The following PBX1 variants were observed in gnomAD, a reference collection of about 807,000 sequenced individuals.
PBX1 encodes pre-B-cell leukemia transcription factor 1.
PBX1 carries 6 observed loss-of-function variants against 53.4 expected under a neutral mutation model. That is an observed-to-expected ratio of 0.11 (90% CI 0.06 to 0.22). PBX1 has a LOEUF of 0.22. Ranked by LOEUF, PBX1 falls within the 10% of genes least tolerant of loss-of-function variation. The pLI, the probability that PBX1 is intolerant of heterozygous loss-of-function variation, is 1.00. For synonymous variants in PBX1, 204 were observed against 212.3 expected (o/e 0.96, Z 0.34); for missense variants, 251 against 551.4 (o/e 0.46, Z 5.46).
At chr1:164,881,286 G>T (rs564330205) in intron 2 of PBX1, among the ~76,000 whole-genome samples, 3 of 147,430 alleles carry the variant, frequency 2.0e-5, no homozygotes, top group Non-Finnish European at 3.0e-5. Flanking sequence ...GAGACACAGA[G>T]AGAAAGGAAG....
At chr1:164,829,957 A>C (rs1670670402) in intron 8 of PBX1, 1 of 152,146 alleles carries the variant, frequency 6.6e-6, no homozygotes, top group Admixed American at 6.5e-5. Context: ...GAAACTAAAA[A>C]AAAAGAAATA....
chr1:164,811,739 C>T (rs1352379126), intron 5 of PBX1, among the ~76,000 whole-genome samples: 2 of 152,174 alleles, frequency 1.3e-5, no homozygotes, highest in African/African-American at 4.8e-5. Flanking sequence ...AAATGAGCAG[C>T]TCCTTTATAG....
At chr1:164,760,724 A>G (rs144231493) in intron 2 of PBX1, among the ~76,000 whole-genome samples, 1 of 152,322 alleles carries the variant, frequency 6.6e-6, no homozygotes, top group East Asian at 1.9e-4. Flanking sequence ...TGCGTTACAG[A>G]TGGTACTTGC....
At position 164,872,112 on chromosome 1, in the gene PBX1, A is replaced by G. The variant is rs377150405; in HGVS notation, n.258-27076A>G. On this transcript the variant is annotated intron_variant and non_coding_transcript_variant, in intron 2 of 2. Transcript: ENST00000558796. ...TCCCTAGTGAAAAATGCACTTATTC[A>G]TATACTTACAAGATTTTACAGATGA... 1.1e-4 allele frequency among the ~76,000 whole-genome samples: 17 copies of G among 152,302 alleles called. No individual in the cohort carries two copies. In the East Asian group the frequency reaches 2.5e-3, roughly 22 times the overall value.
chr1:164,755,237 G>A (rs1571343630), intron 2 of PBX1, among the ~76,000 whole-genome samples: 2 of 152,022 alleles, frequency 1.3e-5, no homozygotes, highest in African/African-American at 4.8e-5. Flanking sequence ...CTTGACCTCC[G>A]CCTCCCGGTT....
At chr1:164,606,167 T>G (rs982276934) in intron 2 of PBX1, among the ~76,000 whole-genome samples, 4 of 152,198 alleles carry the variant, frequency 2.6e-5, no homozygotes, top group Non-Finnish European at 5.9e-5. Context: ...TTAAAATAAC[T>G]CTCATCTTTC....
intron 2 of PBX1, chr1:164,680,556 A>G (rs1661700665): frequency 6.6e-6 from 1 of 152,208 alleles, no homozygotes; most frequent in Non-Finnish European, 1.5e-5. Flanking sequence ...ATGTTTCTGA[A>G]TATTGTCTAA....
intron 2 of PBX1, among the ~76,000 whole-genome samples, chr1:164,687,663 G>A (rs1662196192): frequency 6.6e-6 from 1 of 151,902 alleles, no homozygotes; most frequent in South Asian, 2.1e-4. Flanking sequence ...TGGCTACAGG[G>A]ATTCTCGTTG....
In PBX1 at chr1:164,848,213, A is replaced by G. The variant is rs1277420235; in HGVS notation, c.*1537A>G. 7.6e-6 allele frequency: 8 copies of G among 1,051,628 alleles called. No homozygotes were observed. Among genetic ancestry groups the G allele is most frequent in the Non-Finnish European group, 9.2e-6 (8 of 870,826 alleles). The allele number at this position is 1,051,628 out of a possible 1,614,324, so 65.1% of individuals were successfully genotyped here. A position where few individuals can be genotyped will look rare whatever the true frequency, so the allele number is the denominator to read the frequency against. ...CAGCGTGTACTAAAAATACATGAGAAAATAGCATGTATATGAAAGCTATTC... is the reference window on the plus strand; with the variant it reads ...CAGCGTGTACTAAAAATACATGAGAGAATAGCATGTATATGAAAGCTATTC... On this transcript the variant is annotated 3_prime_UTR_variant, in exon 9 of 9. Coordinates refer to ENST00000420696, the MANE Select transcript of PBX1 (RefSeq NM_002585.4).
At chr1:164,807,471 AT>A (rs1452305137) in intron 4 of PBX1, 70 bp from the exon 5 acceptor site, 6 of 1,543,012 alleles carry the variant, frequency 3.9e-6, no homozygotes, top group Non-Finnish European at 5.3e-6. Context: ...CCAGAAGTAG[AT>A]TTATTCTCTC....
At chr1:164,651,199 C>T (rs1031242600) in intron 2 of PBX1, among the ~76,000 whole-genome samples, 4 of 152,148 alleles carry the variant, frequency 2.6e-5, no homozygotes, top group Non-Finnish European at 5.9e-5. Flanking sequence ...ACTTGGATCT[C>T]ACCCCCCTCC....
At chr1:164,820,223 A>C (rs769360713) in intron 7 of PBX1, 39 bp downstream of exon 7, 1 of 1,093,306 alleles carries the variant, frequency 9.1e-7, no homozygotes, top group East Asian at 2.4e-5. Context: ...TGAATGCCTT[A>C]GAGTCCAAGA....
intron 2 of PBX1, among the ~76,000 whole-genome samples, chr1:164,740,683 G>A (rs540148166): frequency 1.3e-5 from 2 of 152,284 alleles, no homozygotes; most frequent in East Asian, 1.9e-4. Context: ...ACAAAATATT[G>A]AATGTGCATC....
chr1:164,680,602 A>T (rs1216906184), intron 2 of PBX1: 1 of 152,240 alleles, frequency 6.6e-6, no homozygotes, highest in Admixed American at 6.5e-5. Context: ...TCACAGAATC[A>T]TAAATTCTTC....
At chr1:164,626,103 G>A in intron 2 of PBX1, 3 of 1,026,564 alleles carry the variant, frequency 2.9e-6, no homozygotes, top group Non-Finnish European at 3.5e-6. Context: ...AAAGGTGAGT[G>A]TTCGATATCT....
At chr1:164,752,077 C>A (rs962913221) in intron 2 of PBX1, among the ~76,000 whole-genome samples, 1 of 151,918 alleles carries the variant, frequency 6.6e-6, no homozygotes, top group Non-Finnish European at 1.5e-5. Context: ...GTGTGTGATT[C>A]ATAGGTTTGG....
chr1:164,874,737 G>T (rs973218986), intron 2 of PBX1, among the ~76,000 whole-genome samples: 9 of 152,070 alleles, frequency 5.9e-5, no homozygotes, highest in African/African-American at 1.9e-4. Flanking sequence ...CAAGTGATCT[G>T]CCTGCCTTGG....
At chr1:164,688,092 C>T (rs1393131560) in intron 2 of PBX1, among the ~76,000 whole-genome samples, 3 of 152,178 alleles carry the variant, frequency 2.0e-5, no homozygotes, top group Non-Finnish European at 4.4e-5. Context: ...ACCTGCCTCT[C>T]CCAGCTCTTT....
intron 2 of PBX1, among the ~76,000 whole-genome samples, chr1:164,737,882 A>T (rs1665384363): frequency 6.6e-6 from 1 of 152,112 alleles, no homozygotes; most frequent in Non-Finnish European, 1.5e-5. Flanking sequence ...CTTTACAGTC[A>T]ACCTTCCCCA....
Sources: allele counts gnomAD v4.1 joint callset (sites outside exome capture counted in the v4.1 genomes callset), GRCh38; gene constraint gnomAD v4.1.1; transcripts MANE v1.5; gene names NCBI Gene and HGNC (gene_info 2026-07-23, HGNC 2026-07-21).